The following CSMD1 variants were observed in gnomAD, a reference collection of about 807,000 sequenced individuals.
CSMD1 encodes the protein CUB and Sushi multiple domains 1, also known as CUB and sushi domain-containing protein 1.
A neutral mutation model predicts 417.5 loss-of-function variants in CSMD1; 213 were observed. The observed-to-expected ratio is 0.51, with a 90% CI of 0.46 to 0.57. The LOEUF (loss-of-function observed/expected upper bound fraction) is 0.57, where lower values mean the gene tolerates loss of function less well. Ranked by LOEUF, CSMD1 falls within the 20% of genes least tolerant of loss-of-function variation. The pLI is 0.00. For synonymous variants in CSMD1, 2,862 were observed against 1,736.8 expected (o/e 1.65, Z -16.11); for missense variants, 6,923 against 4,529.7 (o/e 1.53, Z -15.17).
At chr8:3,906,413 A>G in intron 5 of CSMD1, among the ~76,000 whole-genome samples, 1 of 152,188 alleles carries the variant, frequency 6.6e-6, no homozygotes, top group Non-Finnish European at 1.5e-5. Flanking sequence ...TTTTTAACGA[A>G]CATGATATAT....
At chr8:3,991,162 G>C (rs1031625120) in intron 5 of CSMD1, among the ~76,000 whole-genome samples, 3 of 152,230 alleles carry the variant, frequency 2.0e-5, no homozygotes, top group Non-Finnish European at 2.9e-5. Flanking sequence ...ATTGTGGAGA[G>C]GGTGCCTAAT....
intron 1 of CSMD1, among the ~76,000 whole-genome samples, chr8:4,863,589 C>A (rs1364495807): frequency 6.6e-6 from 1 of 151,994 alleles, no homozygotes; most frequent in South Asian, 2.1e-4. Flanking sequence ...TTTGCACAAT[C>A]TCTTCATATT....
At chr8:4,035,427 TAGTC>T (rs1797566977) in intron 3 of CSMD1, among the ~76,000 whole-genome samples, 3 of 152,148 alleles carry the variant, frequency 2.0e-5, no homozygotes, top group South Asian at 2.1e-4. Flanking sequence ...AAAACAACCT[TAGTC>T]AGGTCCTTCA....
intron 11 of CSMD1, among the ~76,000 whole-genome samples, chr8:3,489,515 C>T (rs180675683): frequency 2.4e-3 from 368 of 152,290 alleles, no homozygotes; most frequent in Non-Finnish European, 3.8e-3. Flanking sequence ...AAATCAAATT[C>T]GAGAACAGTC....
chr8:4,179,658 G>T (rs1490022220), intron 3 of CSMD1, among the ~76,000 whole-genome samples: 1 of 151,946 alleles, frequency 6.6e-6, no homozygotes, highest in East Asian at 2.0e-4. Context: ...AGAATGGGAG[G>T]AAATTTTCGC....
intron 3 of CSMD1, among the ~76,000 whole-genome samples, chr8:4,076,164 T>C (rs1042622142): frequency 1.3e-5 from 2 of 152,152 alleles, no homozygotes; most frequent in Non-Finnish European, 2.9e-5. Flanking sequence ...GGTTGCTCCA[T>C]GGTGTTCTCA....
chr8:4,066,669 A>C (rs551289472), intron 3 of CSMD1, among the ~76,000 whole-genome samples: 2 of 152,324 alleles, frequency 1.3e-5, no homozygotes, highest in East Asian at 1.9e-4. Flanking sequence ...TCAAACCAAG[A>C]ACATTTCTAT....
chr8:3,785,258 G>C (rs1285516050), intron 5 of CSMD1, among the ~76,000 whole-genome samples: 1 of 152,222 alleles, frequency 6.6e-6, no homozygotes, highest in African/African-American at 2.4e-5. Context: ...AAGAGTGTCT[G>C]TTTCAAAGCA....
intron 15 of CSMD1, among the ~76,000 whole-genome samples, chr8:3,404,433 A>C (rs1585113665): frequency 6.6e-6 from 1 of 151,916 alleles, no homozygotes; most frequent in Non-Finnish European, 1.5e-5. Context: ...GTGAAGGATC[A>C]TGCCCCCACC....
chr8:4,307,062 C>A (rs1273548868), intron 3 of CSMD1, among the ~76,000 whole-genome samples: 1 of 152,094 alleles, frequency 6.6e-6, no homozygotes, highest in African/African-American at 2.4e-5. Context: ...ATCCTCATCA[C>A]AACCCTGCTC....
chr8:3,490,217 TTA>T (rs1226388695), intron 11 of CSMD1, among the ~76,000 whole-genome samples: 1 of 152,222 alleles, frequency 6.6e-6, no homozygotes, highest in Non-Finnish European at 1.5e-5. Flanking sequence ...CCCGGCTGCA[TTA>T]TGTTTCCCAA....
At chr8:3,350,285 TG>T (rs1808331560) in intron 21 of CSMD1, among the ~76,000 whole-genome samples, 1 of 148,532 alleles carries the variant, frequency 6.7e-6, no homozygotes, top group Admixed American at 6.9e-5. Flanking sequence ...AACTTGTGTA[TG>T]TGTGTGTTAT....
chr8:4,384,841 G>C (rs150285515), intron 3 of CSMD1, among the ~76,000 whole-genome samples: 125 of 152,258 alleles, frequency 8.2e-4, no homozygotes, highest in African/African-American at 2.9e-3. Context: ...AGTAGAGAAA[G>C]AGGCTACTGT....
At chr8:4,245,416 G>T (rs867475466) in intron 3 of CSMD1, among the ~76,000 whole-genome samples, 1 of 152,158 alleles carries the variant, frequency 6.6e-6, no homozygotes, top group Non-Finnish European at 1.5e-5. Context: ...ATGATGCAAA[G>T]GGAGGAGGAG....
chr8:4,923,304 G>A (rs964410882), intron 1 of CSMD1, among the ~76,000 whole-genome samples: 1 of 152,112 alleles, frequency 6.6e-6, no homozygotes, highest in Non-Finnish European at 1.5e-5. Context: ...GGCAATGTGA[G>A]TTGATGCTTT....
intron 3 of CSMD1, among the ~76,000 whole-genome samples, chr8:4,098,347 A>T (rs142011297): frequency 2.6e-5 from 4 of 152,214 alleles, no homozygotes; most frequent in Non-Finnish European, 4.4e-5. Flanking sequence ...GTATCATAAT[A>T]GTGTTGATCT....
chr8:4,004,550 C>T (rs1206688393), intron 4 of CSMD1, among the ~76,000 whole-genome samples: 2 of 151,774 alleles, frequency 1.3e-5, no homozygotes, highest in South Asian at 2.1e-4. Context: ...GTATTTTTAG[C>T]AACCTAATTT....
intron 3 of CSMD1, among the ~76,000 whole-genome samples, chr8:4,244,235 T>C (rs1802564387): frequency 6.6e-6 from 1 of 152,122 alleles, no homozygotes; most frequent in Non-Finnish European, 1.5e-5. Flanking sequence ...ACAGCTAGGC[T>C]TGAAACGTTC....
intron 25 of CSMD1, among the ~76,000 whole-genome samples, chr8:3,305,462 A>G (rs1804758495): frequency 6.6e-6 from 1 of 151,106 alleles, no homozygotes; most frequent in African/African-American, 2.4e-5. Flanking sequence ...CTGGGCCCTC[A>G]TGAAGGGATT....
Sources: allele counts gnomAD v4.1 joint callset (sites outside exome capture counted in the v4.1 genomes callset), GRCh38; gene constraint gnomAD v4.1.1; transcripts MANE v1.5; gene names NCBI Gene and HGNC (gene_info 2026-07-23, HGNC 2026-07-21).